EGLN2: variants seen among roughly 807,000 people sequenced by gnomAD.
EGLN2 encodes egl-9 family hypoxia inducible factor 2.
In EGLN2, 15 loss-of-function variants were observed where a neutral mutation model predicts 38.2. That is an observed-to-expected ratio of 0.39 (90% CI 0.26 to 0.60). EGLN2 has a LOEUF of 0.60. Among genes scored for constraint, EGLN2 ranks in the 20% least tolerant of loss-of-function variants. EGLN2 has a pLI of 0.50. For missense variants in EGLN2, 492 were observed against 570.4 expected, an observed-to-expected ratio of 0.86 and a Z score of 1.40; for synonymous variants, 284 against 237.4, an observed-to-expected ratio of 1.20 and a Z score of -1.81.
intron 3 of EGLN2, 131 bp from the exon 4 acceptor site, chr19:40,807,007 C>CT (rs2083308386): frequency 7.1e-7 from 1 of 1,411,388 alleles, no homozygotes; most frequent in Non-Finnish European, 9.6e-7. Flanking sequence ...TTGTCATTCA[C>CT]TTTGAGAGCC....
Position 40,800,741 on chromosome 19 carries a change from G to A in EGLN2, c.169G>A (p.Ala57Thr). The change falls in exon 2 of 6, where the codon GCC (alanine) becomes ACC (threonine). Residue 57 changes from alanine to threonine, a missense_variant. This residue lies in a region of EGLN2 where 378 missense variants were observed against 386.2 expected (regional missense o/e 0.98). Transcript: ENST00000303961. The stretch of plus-strand genomic sequence containing the variant: ...CCACTGTCCAGGAGTGCCTAGTGAG[G>A]CCTCGGCAGGGAGTGGGACCCCCAG... The part of the protein sequence containing the change: ...SYHCPGVPSE[A>T]SAGSGTPRAT... 1 of 1,613,858 alleles carries A rather than the reference G, an allele frequency of 6.2e-7. No homozygotes were observed. Among genetic ancestry groups the A allele is most frequent in the Non-Finnish European group, 8.5e-7 (1 of 1,179,904 alleles).
At chr19:40,802,768 A>G (rs1399862441) in intron 2 of EGLN2, among the ~76,000 whole-genome samples, 1 of 152,248 alleles carries the variant, frequency 6.6e-6, no homozygotes, top group Non-Finnish European at 1.5e-5. Context: ...TCCTTTGGAC[A>G]AGGCCCTGTG....
chr19:40,808,222 T>C lies in EGLN2; in HGVS notation c.*358T>C, dbSNP rs995672910. 2 of 444,568 alleles carry C rather than the reference T, an allele frequency of 4.5e-6. No homozygotes were observed. Among genetic ancestry groups the C allele is most frequent in the African/African-American group, 4.0e-5 (2 of 49,574 alleles). The allele number at this position is 444,568 out of a possible 1,614,324, so 27.5% of individuals were successfully genotyped here. A position where few individuals can be genotyped will look rare whatever the true frequency, so the allele number is the denominator to read the frequency against. On this transcript the variant is annotated 3_prime_UTR_variant, in exon 6 of 6. Transcript: ENST00000303961. ...CAGGACTTGGGGTTGAGGTGAGTCA[T>C]GGCCTCTTGCTGGCAATGGGGTGGG... is the stretch of plus-strand genomic sequence containing the variant.
chr19:40,806,407 C>T, intron 2 of EGLN2, 148 bp from the exon 3 acceptor site: 1 of 1,433,436 alleles, frequency 7.0e-7, no homozygotes, highest in Non-Finnish European at 9.3e-7. Flanking sequence ...AAAAGAAAGT[C>T]TTTTGGGGCA....
At chr19:40,802,847 G>T (rs140542067) in intron 2 of EGLN2, among the ~76,000 whole-genome samples, 1 of 152,380 alleles carries the variant, frequency 6.6e-6, no homozygotes, top group Non-Finnish European at 1.5e-5. Context: ...GTGCCCTGCA[G>T]GCGTGAGGCT....
In EGLN2 at chr19:40,801,358, C is replaced by T. The variant is rs1045527697; in HGVS notation, c.786C>T (p.Ala262=). The T allele has an allele frequency of 2.7e-5, 43 of 1,611,164 alleles. No individual in the cohort carries two copies. Among genetic ancestry groups the T allele is most frequent in the Non-Finnish European group, 3.5e-5 (41 of 1,180,014 alleles). ...SIGALMAHVD[A]VIRHCAGRLG... Reference sequence around the variant, plus strand: ...GTGCCCTCATGGCCCATGTGGACGCCGTCATCCGCCACTGCGCAGGGCGGC... The same window carrying T: ...GTGCCCTCATGGCCCATGTGGACGCTGTCATCCGCCACTGCGCAGGGCGGC... Residue 262 remains alanine (A), a synonymous_variant, in exon 2 of 6, where the codon GCC becomes GCT. Coordinates refer to ENST00000303961, the MANE Select transcript of EGLN2 (RefSeq NM_080732.4).
At position 40,807,242 on chromosome 19, in the gene EGLN2, C is replaced by T; in HGVS notation, c.1068C>T (p.Asn356=). ...RLLIFWSDRR[N]PHEVKPAYAT... Reference sequence around the variant, plus strand: ...TCATTTTCTGGTCTGACCGGCGGAACCCCCACGAGGTGAAGCCAGCCTATG... The same window carrying T: ...TCATTTTCTGGTCTGACCGGCGGAATCCCCACGAGGTGAAGCCAGCCTATG... Residue 356 remains asparagine (N), a synonymous_variant, in exon 4 of 6, where the codon AAC becomes AAT. Coordinates refer to ENST00000303961, the MANE Select transcript of EGLN2 (RefSeq NM_080732.4). 1.2e-6 allele frequency: 2 copies of T among 1,614,182 alleles called. No individual in the cohort carries two copies. Among genetic ancestry groups the T allele is most frequent in the Non-Finnish European group, 1.7e-6 (2 of 1,180,018 alleles).
chr19:40,799,413 C>G (rs2145076936), intron 1 of EGLN2, 151 bp downstream of exon 1: 1 of 123,424 alleles, frequency 8.1e-6, no homozygotes, highest in African/African-American at 3.1e-5. Context: ...GGGGAGGGGA[C>G]GCGCGCCGGT....
At chr19:40,803,983 T>TA (rs1376536644) in intron 2 of EGLN2, 3 of 152,110 alleles carry the variant, frequency 2.0e-5, no homozygotes, top group African/African-American at 7.2e-5. Context: ...AGGAAGTAGA[T>TA]ACTTTCCTTG....
At chr19:40,806,979 G>A (rs2083307930) in intron 3 of EGLN2, 159 bp from the exon 4 acceptor site, 1 of 1,168,518 alleles carries the variant, frequency 8.6e-7, no homozygotes. Context: ...CCATCTCCAT[G>A]GTGATGCAGT....
At chr19:40,805,347 A>C (rs1045329672) in intron 2 of EGLN2, 2 of 152,226 alleles carry the variant, frequency 1.3e-5, no homozygotes, top group African/African-American at 4.8e-5. Context: ...AGGGTGGGAC[A>C]GGGACCTTTT....
chr19:40,807,832 G>C lies in EGLN2; in HGVS notation c.1192G>C (p.Val398Leu). The C allele has an allele frequency of 3.7e-6, 6 of 1,614,118 alleles. No homozygotes were observed. Among genetic ancestry groups the C allele is most frequent in the Non-Finnish European group, 5.1e-6 (6 of 1,180,018 alleles). Residue 398 changes from valine to leucine, a missense_variant, in exon 6 of 6, where the codon GTA becomes CTA. Around this residue, in one of 2 missense-constraint regions of EGLN2, gnomAD observed 114 missense variants for 184.2 expected, o/e 0.62. Transcript: ENST00000303961. ...QLASGQKGVQ[V>L]PVSQPPTPT The stretch of plus-strand genomic sequence containing the variant: ...AGCATCAGGACAGAAAGGTGTCCAA[G>C]TACCTGTATCACAGCCGCCTACGCC...
Position 40,800,920 on chromosome 19 carries a change from C to T in EGLN2, c.348C>T (p.Ala116=), listed in dbSNP as rs2083251701. Residue 116 remains alanine, a synonymous_variant, in exon 2 of 6, where the codon GCC becomes GCT. Transcript: ENST00000303961. ...CAGCCCAGGGCGCACGGCCTGAGGC[C>T]CCCAAACGGAAATGGGCCGAGGATG... The part of the protein sequence containing the change: ...RLAAQGARPE[A]PKRKWAEDGG... 1.9e-6 allele frequency: 3 copies of T among 1,609,688 alleles called. No homozygotes were observed.
rs750754392 is a variant in EGLN2 at position 40,801,446 on chromosome 19, G to A, written c.843+31G>A. 7 of 1,583,656 alleles carry A rather than the reference G, an allele frequency of 4.4e-6. 1 individual carries two copies. In the South Asian group the frequency reaches 6.7e-5, roughly 15 times the overall value. ...GCTAGGTGGGGGCCTCTTTGGAGGG[G>A]CTTTGCAGCACCCTGGTTTGCAGCA... On this transcript the variant is annotated intron_variant, in intron 2 of 5. Coordinates refer to ENST00000303961, the MANE Select transcript of EGLN2 (RefSeq NM_080732.4).
chr19:40,801,507 C>T (rs1372345656), intron 2 of EGLN2, 92 bp downstream of exon 2: 9 of 1,513,110 alleles, frequency 5.9e-6, no homozygotes, highest in Non-Finnish European at 7.1e-6. Context: ...TGGAGACAGG[C>T]TTCTGGGAGG....
At chr19:40,807,686 C>A in intron 5 of EGLN2, 123 bp from the exon 6 acceptor site, 1 of 1,402,750 alleles carries the variant, frequency 7.1e-7, no homozygotes, top group Non-Finnish European at 1.0e-6. Context: ...TTCCTTAGCC[C>A]ACTCTCCTGG....
chr19:40,802,057 C>G (rs912630820), intron 2 of EGLN2, among the ~76,000 whole-genome samples: 32 of 152,286 alleles, frequency 2.1e-4, no homozygotes, highest in African/African-American at 6.3e-4. Flanking sequence ...CCTGGCCGTT[C>G]TCTGTTGCTG....
At position 40,800,707 on chromosome 19, in the gene EGLN2, C is replaced by T; in HGVS notation, c.135C>T (p.Leu45=). ...GVESYLPCPL[L]PSYHCPGVPS... is the part of the protein sequence containing the mutation. ...AGAGTTACCTGCCCTGTCCCCTGCT[C>T]CCCTCCTACCACTGTCCAGGAGTGC... The change falls in exon 2 of 6, where the codon CTC becomes CTT. Residue 45 remains leucine (L), a synonymous_variant. Transcript: ENST00000303961. The T allele has an allele frequency of 6.2e-7, 1 of 1,614,058 alleles. No homozygotes were observed. Among genetic ancestry groups the T allele is most frequent in the South Asian group, 1.1e-5 (1 of 91,078 alleles).
At chr19:40,801,520 A>C in intron 2 of EGLN2, 105 bp downstream of exon 2, 1 of 1,492,048 alleles carries the variant, frequency 6.7e-7, no homozygotes, top group Non-Finnish European at 8.9e-7. Flanking sequence ...CTGGGAGGTC[A>C]CAGAAGGTTT....
Sources: gnomAD v4.1 joint callset for allele counts (sites outside exome capture counted in the v4.1 genomes callset) on GRCh38, gnomAD v4.1.1 for gene constraint, gnomAD v4.1.1 regional missense constraint, MANE v1.5 for transcripts, NCBI Gene and HGNC (gene_info 2026-07-23, HGNC 2026-07-21) for gene names.